The following TM2D1 variants were observed in gnomAD, a reference collection of about 807,000 sequenced individuals.
TM2D1 encodes the protein TM2 domain containing 1, also known as TM2 domain-containing protein 1.
Under a neutral mutation model 28.4 loss-of-function variants are expected in TM2D1, and 15 were observed. That is an observed-to-expected ratio of 0.53 (90% confidence interval 0.35 to 0.81). The LOEUF is 0.81. TM2D1 is among the 40% of genes least tolerant of loss of function. TM2D1 has a pLI of 0.01. For synonymous variants in TM2D1, 93 were observed against 96.2 expected, an observed-to-expected ratio of 0.97 and a Z score of 0.20; for missense variants, 236 against 254.9, an observed-to-expected ratio of 0.93 and a Z score of 0.50.
At chr1:61,686,912 G>C (rs1644289465) in intron 5 of TM2D1, 1 of 968,440 alleles carries the variant, frequency 1.0e-6, no homozygotes, top group African/African-American at 1.8e-5. Context: ...AACAGAGCAA[G>C]ACCCTGTCTC....
intron 3 of TM2D1, among the ~76,000 whole-genome samples, chr1:61,707,270 A>G (rs1238712714): frequency 6.6e-6 from 1 of 152,188 alleles, no homozygotes; most frequent in Non-Finnish European, 1.5e-5. Context: ...ATATAAAATA[A>G]AAAATGCTTA....
chr1:61,720,527 C>G (rs1557541357), intron 2 of TM2D1, among the ~76,000 whole-genome samples: 1 of 152,148 alleles, frequency 6.6e-6, no homozygotes, highest in Non-Finnish European at 1.5e-5. Context: ...TAGGTGTGAG[C>G]CACCTCACCC....
intron 2 of TM2D1, 29 bp from the exon 3 acceptor site, chr1:61,709,466 T>C (rs752125825): frequency 8.6e-6 from 13 of 1,504,624 alleles, no homozygotes; most frequent in Middle Eastern, 1.7e-4. Flanking sequence ...AAGAAACTGT[T>C]ATTTTTTTTT....
intron 4 of TM2D1, chr1:61,699,620 A>T (rs986917093): frequency 6.6e-6 from 1 of 152,242 alleles, no homozygotes; most frequent in African/African-American, 2.4e-5. Context: ...TCATCCTTCA[A>T]ACCCTAGCTC....
At chr1:61,704,667 G>A (rs1239725851) in intron 3 of TM2D1, among the ~76,000 whole-genome samples, 1 of 152,040 alleles carries the variant, frequency 6.6e-6, no homozygotes, top group Non-Finnish European at 1.5e-5. Flanking sequence ...TCTGGCCTCA[G>A]GTGATCCACC....
intron 5 of TM2D1, among the ~76,000 whole-genome samples, chr1:61,688,677 C>T (rs556462222): frequency 6.7e-6 from 1 of 149,880 alleles, no homozygotes; most frequent in Admixed American, 6.7e-5. Context: ...GAGCCAAGAT[C>T]GTGCCACTGC....
intron 2 of TM2D1, among the ~76,000 whole-genome samples, chr1:61,722,902 G>A (rs890977299): frequency 6.6e-6 from 1 of 152,124 alleles, no homozygotes; most frequent in Non-Finnish European, 1.5e-5. Context: ...TGGGAAGCTG[G>A]CAGCCAGCTG....
chr1:61,685,940 G>A (rs192987060), intron 5 of TM2D1, among the ~76,000 whole-genome samples: 2 of 152,192 alleles, frequency 1.3e-5, no homozygotes, highest in Non-Finnish European at 2.9e-5. Flanking sequence ...TTGAGCCCAG[G>A]AGTTCAAGGT....
chr1:61,695,787 C>T (rs994519733), intron 4 of TM2D1, among the ~76,000 whole-genome samples: 5 of 152,084 alleles, frequency 3.3e-5, no homozygotes, highest in Admixed American at 6.6e-5. Flanking sequence ...AATAACATGG[C>T]GGCAATAAGT....
At chr1:61,692,182 A>C (rs1389203526) in intron 5 of TM2D1, among the ~76,000 whole-genome samples, 1 of 151,642 alleles carries the variant, frequency 6.6e-6, no homozygotes, top group Non-Finnish European at 1.5e-5. Flanking sequence ...TTTTAGGAAC[A>C]AAAGATAGAA....
intron 5 of TM2D1, among the ~76,000 whole-genome samples, chr1:61,692,452 T>C (rs145153205): frequency 0.013 from 863 of 68,730 alleles, 10 homozygotes; most frequent in African/African-American, 0.045. Flanking sequence ...GAAAGAAAGA[T>C]GGAAAGAAGG....
chr1:61,691,946 T>C (rs865895308), intron 5 of TM2D1, among the ~76,000 whole-genome samples: 5 of 127,070 alleles, frequency 3.9e-5, no homozygotes, highest in Admixed American at 8.7e-5. Context: ...TATATATATA[T>C]ATATATATAT....
chr1:61,689,748 A>G (rs772360536), intron 5 of TM2D1, among the ~76,000 whole-genome samples: 8 of 152,216 alleles, frequency 5.3e-5, no homozygotes, highest in Non-Finnish European at 1.0e-4. Flanking sequence ...CAAGGACCCC[A>G]TGTTATCATA....
At chr1:61,681,593 G>T (rs987943210) in intron 6 of TM2D1, among the ~76,000 whole-genome samples, 2 of 152,018 alleles carry the variant, frequency 1.3e-5, no homozygotes, top group African/African-American at 4.8e-5. Flanking sequence ...TTACATAATA[G>T]GCTACCAAGA....
intron 3 of TM2D1, among the ~76,000 whole-genome samples, chr1:61,707,738 G>A (rs569284816): frequency 2.0e-5 from 3 of 152,320 alleles, no homozygotes; most frequent in South Asian, 2.1e-4. Flanking sequence ...CAATGAGGTA[G>A]GGTCAAAAGA....
intron 3 of TM2D1, among the ~76,000 whole-genome samples, chr1:61,707,456 C>T (rs1447981296): frequency 6.6e-6 from 1 of 152,120 alleles, no homozygotes; most frequent in Non-Finnish European, 1.5e-5. Context: ...AGATGATTTT[C>T]TTACTGTAAC....
intron 2 of TM2D1, among the ~76,000 whole-genome samples, chr1:61,718,277 G>A (rs1463154198): frequency 7.0e-6 from 1 of 143,414 alleles, no homozygotes; most frequent in South Asian, 2.2e-4. Context: ...GTGACAGAGT[G>A]AGACCCCATC....
At chr1:61,691,942 T>TATATATATAC (rs1644330670) in intron 5 of TM2D1, among the ~76,000 whole-genome samples, 1 of 114,620 alleles carries the variant, frequency 8.7e-6, no homozygotes, top group Non-Finnish European at 1.8e-5. Flanking sequence ...AATATATATA[T>TATATATATAC]ATATATATAT....
In TM2D1 at chr1:61,709,320, T is replaced by C. The variant is rs758239023; in HGVS notation, c.347+9A>G. 1.0e-5 allele frequency: 16 copies of C among 1,572,034 alleles called. No homozygotes were observed. Among genetic ancestry groups the C allele is most frequent in the African/African-American group, 1.4e-5 (1 of 73,838 alleles). ...AATCTGAAAATTTAAGTTTCAGTAA[T>C]GTACTTACACATTTCGGCAAGATAT... is the stretch of plus-strand genomic sequence containing the variant. On this transcript the variant is annotated intron_variant, in intron 3 of 6. Transcript: ENST00000606498.
Sources: allele counts gnomAD v4.1 joint callset (sites outside exome capture counted in the v4.1 genomes callset), GRCh38; gene constraint gnomAD v4.1.1; transcripts MANE v1.5; gene names NCBI Gene and HGNC (gene_info 2026-07-23, HGNC 2026-07-21).